The following OSTN variants were observed in gnomAD, a reference collection of about 807,000 sequenced individuals.
OSTN encodes osteocrin.
A neutral mutation model predicts 12.0 loss-of-function variants in OSTN; 9 were observed. The observed-to-expected ratio is 0.75, with a 90% CI of 0.45 to 1.30. The LOEUF (loss-of-function observed/expected upper bound fraction) is 1.30, where lower values mean the gene tolerates loss of function less well. Ranked by LOEUF, OSTN falls within the 50% of genes most tolerant of loss-of-function variation. OSTN has a pLI of 0.00. For missense variants in OSTN, 148 were observed against 152.3 expected (o/e 0.97, Z 0.15); for synonymous variants, 59 against 56.9 (o/e 1.04, Z -0.16).
chr3:191,214,483 T>A (rs1576924508), intron 2 of OSTN, among the ~76,000 whole-genome samples: 1 of 143,172 alleles, frequency 7.0e-6, no homozygotes, highest in African/African-American at 2.6e-5. Context: ...AAACCACCAC[T>A]GATGGGAATC....
At chr3:191,223,369 G>T (rs1339716338) in intron 3 of OSTN, among the ~76,000 whole-genome samples, 2 of 152,196 alleles carry the variant, frequency 1.3e-5, no homozygotes, top group African/African-American at 4.8e-5. Flanking sequence ...TGGCTGGGGA[G>T]ATATCACCAT....
intron 1 of OSTN, among the ~76,000 whole-genome samples, chr3:191,210,958 G>T (rs1437719358): frequency 2.0e-5 from 3 of 152,202 alleles, no homozygotes; most frequent in Non-Finnish European, 4.4e-5. Context: ...GCTTCAGTTG[G>T]CTGGATAGTG....
At chr3:191,205,262 G>T (rs1313247049) in intron 1 of OSTN, among the ~76,000 whole-genome samples, 1 of 152,062 alleles carries the variant, frequency 6.6e-6, no homozygotes, top group Non-Finnish European at 1.5e-5. Context: ...TCTTGTTCAA[G>T]ATCATTAGCC....
chr3:191,214,448 A>AC (rs1396155912), intron 2 of OSTN, among the ~76,000 whole-genome samples: 1 of 150,404 alleles, frequency 6.6e-6, no homozygotes, highest in Admixed American at 6.6e-5. Flanking sequence ...AAAAAAAAAA[A>AC]AAAAAAAAAA....
At chr3:191,208,596 A>G (rs1714340844) in intron 1 of OSTN, among the ~76,000 whole-genome samples, 2 of 152,200 alleles carry the variant, frequency 1.3e-5, no homozygotes, top group South Asian at 4.1e-4. Flanking sequence ...TTTCCTATAT[A>G]CACCCAAGCA....
At position 191,263,093 on chromosome 3, in the gene OSTN, G is replaced by A; in HGVS notation, c.*240G>A. 1 of 463,964 alleles carries A rather than the reference G, an allele frequency of 2.2e-6. No individual in the cohort carries two copies. The highest frequency in any genetic ancestry group is 3.8e-6 in the Non-Finnish European group (1 of 261,876). 28.7% of individuals were successfully genotyped at this position (463,964 alleles called of 1,614,324 possible). ...TTATATATTTTAATTATTCAAGAAT[G>A]GTTAACTTCCCCTTAAACCTTACTT... On this transcript the variant is annotated 3_prime_UTR_variant, in exon 5 of 5. Coordinates refer to ENST00000682035, the MANE Select transcript of OSTN (RefSeq NM_198184.2).
intron 1 of OSTN, among the ~76,000 whole-genome samples, chr3:191,209,136 G>T (rs1714356575): frequency 6.6e-6 from 1 of 151,992 alleles, no homozygotes. Flanking sequence ...TCCAGCCTGA[G>T]CAACAGAGTG....
intron 1 of OSTN, among the ~76,000 whole-genome samples, chr3:191,207,157 C>G (rs1714296363): frequency 6.6e-6 from 1 of 152,142 alleles, no homozygotes. Flanking sequence ...TTTGTAAATC[C>G]TTTAATTAAG....
At chr3:191,247,149 T>A (rs1715452387) in intron 3 of OSTN, among the ~76,000 whole-genome samples, 1 of 152,218 alleles carries the variant, frequency 6.6e-6, no homozygotes, top group African/African-American at 2.4e-5. Flanking sequence ...TAATTTAAAA[T>A]GTAAAGGAGA....
Position 191,244,895 on chromosome 3 carries a change from A to G in OSTN, c.318-5142A>G, listed in dbSNP as rs189853130. Among the ~76,000 whole-genome samples, 596 of 152,116 alleles carry G rather than the reference A, an allele frequency of 3.9e-3. 1 individual carries two copies. Among genetic ancestry groups the G allele is most frequent in the Non-Finnish European group, 6.9e-3 (468 of 67,954 alleles). On this transcript the variant is annotated intron_variant, in intron 3 of 4. Coordinates refer to ENST00000682035, the MANE Select transcript of OSTN (RefSeq NM_198184.2). ...CAATTTGATAAGATGAATCAAAGTA[A>G]TTATGAATTTGTTGCTAGGGTAAAA... is the stretch of plus-strand genomic sequence containing the variant.
At chr3:191,242,584 G>A (rs997032755) in intron 3 of OSTN, among the ~76,000 whole-genome samples, 25 of 151,858 alleles carry the variant, frequency 1.6e-4, no homozygotes, top group African/African-American at 4.6e-4. Context: ...GTTTTGTGAC[G>A]GGGTCTCTTT....
chr3:191,245,585 T>G (rs1050701170), intron 3 of OSTN, among the ~76,000 whole-genome samples: 1 of 152,090 alleles, frequency 6.6e-6, no homozygotes. Flanking sequence ...AGAAAGGAAG[T>G]AAAACAGAAT....
chr3:191,245,840 T>G (rs1576937002), intron 3 of OSTN, among the ~76,000 whole-genome samples: 1 of 151,670 alleles, frequency 6.6e-6, no homozygotes, highest in East Asian at 1.9e-4. Context: ...CCGAGGCGGG[T>G]GGATCGCCTG....
At chr3:191,223,249 G>A (rs540091056) in intron 3 of OSTN, among the ~76,000 whole-genome samples, 4 of 152,256 alleles carry the variant, frequency 2.6e-5, no homozygotes, top group Non-Finnish European at 4.4e-5. Flanking sequence ...AGATTTTCAC[G>A]TATGAAAGCT....
chr3:191,206,915 G>A (rs75904886), intron 1 of OSTN, among the ~76,000 whole-genome samples: 8,746 of 152,188 alleles, frequency 0.057, 870 homozygotes, highest in African/African-American at 0.2. Context: ...CCTGAAGAAC[G>A]TATTATGTTT....
At chr3:191,239,205 T>C (rs1428219354) in intron 3 of OSTN, among the ~76,000 whole-genome samples, 3 of 152,194 alleles carry the variant, frequency 2.0e-5, no homozygotes, top group East Asian at 1.9e-4. Context: ...GTACACTCCA[T>C]AGTGTGGGAG....
At chr3:191,218,449 C>T (rs964115109) in intron 2 of OSTN, among the ~76,000 whole-genome samples, 1 of 152,074 alleles carries the variant, frequency 6.6e-6, no homozygotes, top group Non-Finnish European at 1.5e-5. Context: ...TGGTGAAACC[C>T]CATCTCTACT....
At chr3:191,239,178 AT>A (rs1315238267) in intron 3 of OSTN, among the ~76,000 whole-genome samples, 1 of 152,244 alleles carries the variant, frequency 6.6e-6, no homozygotes, top group Non-Finnish European at 1.5e-5. Context: ...AAATGCAGAA[AT>A]TTATTGCAAA....
intron 3 of OSTN, among the ~76,000 whole-genome samples, chr3:191,223,509 T>C (rs2108536088): frequency 6.6e-6 from 1 of 152,324 alleles, no homozygotes; most frequent in African/African-American, 2.4e-5. Flanking sequence ...TAAAACGTGA[T>C]AGTACATAAA....
Sources: gnomAD v4.1 joint callset for allele counts (sites outside exome capture counted in the v4.1 genomes callset) on GRCh38, gnomAD v4.1.1 for gene constraint, MANE v1.5 for transcripts, NCBI Gene and HGNC (gene_info 2026-07-23, HGNC 2026-07-21) for gene names.